Variants in TMEM44 observed in about 807,000 individuals in gnomAD.
TMEM44 encodes transmembrane protein 44.
In TMEM44, 43 loss-of-function variants were observed where a neutral mutation model predicts 47.8. The ratio of observed to expected loss-of-function variants is 0.90; its 90% confidence interval spans 0.70 to 1.16. TMEM44 has a LOEUF of 1.16. Ranked by LOEUF, TMEM44 falls within the 50% of genes most tolerant of loss-of-function variation. The pLI is 0.00. For missense variants in TMEM44, 568 were observed against 555.2 expected (o/e 1.02, Z -0.23); for synonymous variants, 277 against 238.8 (o/e 1.16, Z -1.48).
chr3:194,612,986 C>A (rs1284246027), intron 7 of TMEM44, among the ~76,000 whole-genome samples: 1 of 152,160 alleles, frequency 6.6e-6, no homozygotes, highest in Non-Finnish European at 1.5e-5. Flanking sequence ...CTTTGAGTTA[C>A]TTTCTCAATT....
Position 194,604,345 on chromosome 3 carries a change from C to A in TMEM44, c.1118G>T (p.Arg373Leu). ...PPSYPPVQVI[R>L]ARVSSGSSSE... is the part of the protein sequence containing the mutation. Reference sequence around the variant, plus strand: ...GGAGCTGCCGGAAGACACCCGGGCCCGGATGACCTGAACGGGAGGGTACGA... The same window carrying A: ...GGAGCTGCCGGAAGACACCCGGGCCAGGATGACCTGAACGGGAGGGTACGA... Residue 373 changes from arginine (R) to leucine (L), a missense_variant, in exon 9 of 10, where the codon CGG becomes CTG. Arg to Leu is a moderately radical substitution (Grantham distance 102). Transcript: ENST00000347147. The A allele has an allele frequency of 6.3e-7, 1 of 1,574,826 alleles. No individual in the cohort carries two copies. The highest frequency in any genetic ancestry group is 8.6e-7 in the Non-Finnish European group (1 of 1,160,614).
intron 5 of TMEM44, among the ~76,000 whole-genome samples, chr3:194,622,389 C>T (rs1577214763): frequency 6.6e-6 from 1 of 152,050 alleles, no homozygotes; most frequent in Non-Finnish European, 1.5e-5. Flanking sequence ...TTTCTTGAAG[C>T]GTGAGGAGAT....
intron 5 of TMEM44, among the ~76,000 whole-genome samples, chr3:194,618,747 T>C (rs1355532289): frequency 6.6e-6 from 1 of 152,084 alleles, no homozygotes; most frequent in East Asian, 1.9e-4. Flanking sequence ...AAAAAGCATG[T>C]TTTGGCCAAT....
intron 5 of TMEM44, among the ~76,000 whole-genome samples, chr3:194,621,297 G>A (rs1311378759): frequency 1.3e-5 from 2 of 152,172 alleles, no homozygotes; most frequent in Admixed American, 6.5e-5. Context: ...GCCTGCAGAG[G>A]GAGCATGGCC....
At chr3:194,618,007 G>A (rs895974946) in intron 5 of TMEM44, among the ~76,000 whole-genome samples, 11 of 152,216 alleles carry the variant, frequency 7.2e-5, no homozygotes, top group Admixed American at 6.5e-4. Flanking sequence ...AAGCCCAGCA[G>A]ATGCTGGCGT....
At chr3:194,623,011 C>T (rs1033018761) in intron 5 of TMEM44, 18 of 479,856 alleles carry the variant, frequency 3.8e-5, no homozygotes, top group Admixed American at 1.3e-4. Context: ...GAGAGGCTCC[C>T]GCCGTCCTCA....
chr3:194,592,162 G>A lies in TMEM44; in HGVS notation c.1177-3523C>T, dbSNP rs184398418. ...GAACCCAGGAGGCGGAGCTTGCAGT[G>A]AGCCGAGATCGCACCACTGCAGTCC... On this transcript the variant is annotated intron_variant, in intron 9 of 9. Transcript: ENST00000347147. Among the ~76,000 whole-genome samples the A allele has an allele frequency of 2.1e-3, 321 of 151,002 alleles. 6 individuals carry two copies. Among genetic ancestry groups the A allele is most frequent in the African/African-American group, 7.4e-3 (301 of 40,840 alleles).
At chr3:194,617,406 C>G (rs962374156) in intron 5 of TMEM44, 137 bp from the exon 6 acceptor site, 1 of 1,053,200 alleles carries the variant, frequency 9.5e-7, no homozygotes, top group Non-Finnish European at 1.3e-6. Flanking sequence ...GTTAGACTTA[C>G]AGCTTTTGCT....
rs573543082 is a variant in TMEM44 at position 194,602,591 on chromosome 3, G to C, written c.1176+1696C>G. Among the ~76,000 whole-genome samples the C allele has an allele frequency of 5.9e-5, 8 of 135,882 alleles. No homozygotes were observed. In the East Asian group the frequency reaches 1.8e-3, roughly 31 times the overall value. 89.1% of individuals were successfully genotyped at this position (135,882 alleles called of 152,430 possible). On this transcript the variant is annotated intron_variant, in intron 9 of 9. Coordinates refer to ENST00000347147, the MANE Select transcript of TMEM44 (RefSeq NM_001011655.3). ...CACTCCAGCCTGGGTGACAGAGCGA[G>C]AACTCCTTCTCAAAAAAAAAAAAGA... is the stretch of plus-strand genomic sequence containing the variant.
chr3:194,626,752 C>T (rs979079771), intron 2 of TMEM44, among the ~76,000 whole-genome samples: 3 of 146,894 alleles, frequency 2.0e-5, no homozygotes, highest in African/African-American at 7.6e-5. Context: ...GGCGTGATCT[C>T]GGCTCACTGC....
At chr3:194,601,287 G>A (rs1366624732) in intron 9 of TMEM44, among the ~76,000 whole-genome samples, 1 of 151,416 alleles carries the variant, frequency 6.6e-6, no homozygotes, top group Non-Finnish European at 1.5e-5. Flanking sequence ...ACAGGCACCC[G>A]CCACCACGCC....
At chr3:194,591,071 G>A (rs747267687) in intron 9 of TMEM44, among the ~76,000 whole-genome samples, 3 of 151,326 alleles carry the variant, frequency 2.0e-5, no homozygotes, top group African/African-American at 4.9e-5. Context: ...GTGGGCGCCC[G>A]TAATCCCAGC....
At chr3:194,594,167 A>ATC (rs1713126830) in intron 9 of TMEM44, among the ~76,000 whole-genome samples, 8 of 46,958 alleles carry the variant, frequency 1.7e-4, no homozygotes, top group African/African-American at 3.1e-4. Context: ...ATCTATCTAT[A>ATC]TCTATCTATC....
rs1293152360 is a variant in TMEM44 at position 194,630,793 on chromosome 3, G to A, written c.138-2284C>T. Among the ~76,000 whole-genome samples the A allele has an allele frequency of 2.4e-3, 163 of 69,126 alleles. 1 individual carries two copies. The highest frequency in any genetic ancestry group is 3.5e-3 in the Admixed American group (21 of 6,010). The allele number at this position is 69,126 out of a possible 152,430, so 45.3% of individuals were successfully genotyped here. On this transcript the variant is annotated intron_variant, in intron 1 of 9. Coordinates refer to ENST00000347147, the MANE Select transcript of TMEM44 (RefSeq NM_001011655.3). ...GGGCCTCTGAAATACGTTGTCGCAC[G>A]TGCCTCCTGGAGGGGCTGGCTGTTT...
chr3:194,626,206 T>C (rs925402258), intron 2 of TMEM44, among the ~76,000 whole-genome samples: 8 of 152,190 alleles, frequency 5.3e-5, no homozygotes, highest in Admixed American at 5.2e-4. Context: ...GAACCCACGG[T>C]ATGCAGATGC....
intron 9 of TMEM44, among the ~76,000 whole-genome samples, chr3:194,602,397 T>C (rs561500074): frequency 2.0e-4 from 31 of 151,292 alleles, no homozygotes; most frequent in African/African-American, 7.5e-4. Flanking sequence ...AGGTCAGGAG[T>C]TCAAGACCAG....
chr3:194,589,135 G>C (rs990787002), intron 9 of TMEM44: 1 of 161,150 alleles, frequency 6.2e-6, no homozygotes, highest in African/African-American at 2.4e-5. Flanking sequence ...GAGTAGCTGG[G>C]ACTACAGGTG....
intron 7 of TMEM44, 132 bp downstream of exon 7, chr3:194,615,437 G>A (rs1715773860): frequency 3.1e-6 from 4 of 1,283,952 alleles, no homozygotes; most frequent in African/African-American, 1.5e-5. Flanking sequence ...CAGGACAGCT[G>A]TCTGAGTCGC....
intron 5 of TMEM44, among the ~76,000 whole-genome samples, chr3:194,620,014 G>C (rs1206175543): frequency 2.0e-5 from 3 of 152,106 alleles, no homozygotes; most frequent in Non-Finnish European, 4.4e-5. Context: ...GAAGGGGCTG[G>C]GCACAGTGGC....
Sources: gnomAD v4.1 joint callset for allele counts (sites outside exome capture counted in the v4.1 genomes callset) on GRCh38, gnomAD v4.1.1 for gene constraint, MANE v1.5 for transcripts, NCBI Gene and HGNC (gene_info 2026-07-23, HGNC 2026-07-21) for gene names.